EPAS1: variants seen among roughly 807,000 people sequenced by gnomAD.
EPAS1 encodes endothelial PAS domain protein 1, also known as endothelial PAS domain-containing protein 1.
In EPAS1, 23 loss-of-function variants were observed where a neutral mutation model predicts 87.9. The ratio of observed to expected loss-of-function variants is 0.26; its 90% CI spans 0.19 to 0.37. The LOEUF (loss-of-function observed/expected upper bound fraction) is 0.37. EPAS1 is among the 10% of genes least tolerant of loss of function. The pLI, the probability that EPAS1 is intolerant of heterozygous loss-of-function variation, is 1.00. For synonymous variants in EPAS1, 508 were observed against 444.3 expected, an observed-to-expected ratio of 1.14 and a Z score of -1.80; for missense variants, 1,138 against 1,120.7, an observed-to-expected ratio of 1.02 and a Z score of -0.22.
rs150945320 is a variant in EPAS1 at position 46,369,849 on chromosome 2, C to T, written c.802C>T (p.His268Tyr). ...DDRITELIGY[H>Y]PEELLGRSAY... ...CAGAATCACAGAACTGATTGGTTAC[C>T]ACCCTGAGGAGCTGCTTGGCCGCTC... The change falls in exon 7 of 16, where the codon CAC becomes TAC. Residue 268 changes from histidine to tyrosine, a missense_variant. Physicochemically the swap from His to Tyr is moderately conservative, Grantham distance 83. Coordinates refer to ENST00000263734, the MANE Select transcript of EPAS1 (RefSeq NM_001430.5). 2.9e-5 allele frequency: 47 copies of T among 1,612,912 alleles called. No homozygotes were observed. The highest frequency in any genetic ancestry group is 4.5e-5 in the East Asian group (2 of 44,898).
Position 46,310,634 on chromosome 2 carries a change from G to A in EPAS1, c.26+12697G>A, listed in dbSNP as rs554340191. Among the ~76,000 whole-genome samples, 7 of 152,268 alleles carry A rather than the reference G, an allele frequency of 4.6e-5. No individual in the cohort carries two copies. The South Asian group carries it at 6.2e-4, about 14-fold the overall frequency. The stretch of plus-strand genomic sequence containing the variant: ...AGCAGCTGGGGATTTTTCCCTCCTC[G>A]AGCAGGTGTAACCTTTCCCCTGGAG... On this transcript the variant is annotated intron_variant, in intron 1 of 15. Transcript: ENST00000263734.
intron 15 of EPAS1, among the ~76,000 whole-genome samples, chr2:46,383,930 C>T (rs1343569868): frequency 6.6e-6 from 1 of 152,154 alleles, no homozygotes; most frequent in Non-Finnish European, 1.5e-5. Flanking sequence ...GGGCAGAATG[C>T]AGGGCTTCCA....
At chr2:46,362,956 GGTGGTGGTGGTGGTGGTGGTA>G (rs1254302998) in intron 6 of EPAS1, among the ~76,000 whole-genome samples, 2,664 of 88,144 alleles carry the variant, frequency 0.03, 76 homozygotes, top group African/African-American at 0.091. Context: ...AATTGTTAGT[GGTGGTGGTGGTGGTGGTGGTA>G]GTGGTGGTGG....
intron 1 of EPAS1, among the ~76,000 whole-genome samples, chr2:46,337,336 A>G (rs1293921124): frequency 2.0e-5 from 3 of 152,154 alleles, no homozygotes; most frequent in African/African-American, 7.2e-5. Flanking sequence ...TCCTAGGGAA[A>G]CGGATGCATG....
intron 13 of EPAS1, 112 bp from the exon 14 acceptor site, chr2:46,381,863 G>C (rs1011760488): frequency 6.5e-7 from 1 of 1,535,444 alleles, no homozygotes; most frequent in Non-Finnish European, 8.8e-7. Context: ...TGGGGATGTG[G>C]CCCTTCCAAG....
chr2:46,344,711 T>C (rs1454785145), intron 1 of EPAS1, among the ~76,000 whole-genome samples: 1 of 151,994 alleles, frequency 6.6e-6, no homozygotes, highest in Non-Finnish European at 1.5e-5. Flanking sequence ...AGGTTGGAAG[T>C]CAGGGAGAGA....
chr2:46,362,825 A>C (rs981318361), intron 6 of EPAS1, among the ~76,000 whole-genome samples: 5 of 152,222 alleles, frequency 3.3e-5, no homozygotes, highest in Non-Finnish European at 7.3e-5. Flanking sequence ...GCCAGGATTC[A>C]CAGCCTTTGG....
At position 46,380,106 on chromosome 2, in the gene EPAS1, C is replaced by A; in HGVS notation, c.1555-121C>A. The A allele has an allele frequency of 6.5e-7, 1 of 1,530,470 alleles. No individual in the cohort carries two copies. Among genetic ancestry groups the A allele is most frequent in the Non-Finnish European group, 8.9e-7 (1 of 1,118,600 alleles). The allele number at this position is 1,530,470 out of a possible 1,614,324, so 94.8% of individuals were successfully genotyped here. ...ATAGGCCCTCGGGAGCCAGTGGAGGCGTTTGAGCAGCACTGTGAAACAGTG... is the reference window on the plus strand; with the variant it reads ...ATAGGCCCTCGGGAGCCAGTGGAGGAGTTTGAGCAGCACTGTGAAACAGTG... On this transcript the variant is annotated intron_variant, in intron 11 of 15. Transcript: ENST00000263734. The surrounding 1 kb of genome is among the most constrained non-coding windows in gnomAD (Gnocchi z 4.4).
intron 1 of EPAS1, among the ~76,000 whole-genome samples, chr2:46,298,803 G>C (rs1039097475): frequency 6.6e-6 from 1 of 152,244 alleles, no homozygotes; most frequent in South Asian, 2.1e-4. Flanking sequence ...CGGGCCCGGC[G>C]CTACCCGAGC....
At chr2:46,363,960 G>A (rs1684453747) in intron 6 of EPAS1, among the ~76,000 whole-genome samples, 1 of 152,200 alleles carries the variant, frequency 6.6e-6, no homozygotes, top group Non-Finnish European at 1.5e-5. Context: ...TTGATGAAGT[G>A]ACTATTTTAA....
intron 1 of EPAS1, among the ~76,000 whole-genome samples, chr2:46,301,130 T>G (rs1324648569): frequency 6.6e-6 from 1 of 152,208 alleles, no homozygotes; most frequent in African/African-American, 2.4e-5. Flanking sequence ...TGCCATCATT[T>G]CAAGTTTTTT....
intron 2 of EPAS1, among the ~76,000 whole-genome samples, chr2:46,352,094 C>T (rs1387937197): frequency 6.6e-6 from 1 of 152,170 alleles, no homozygotes; most frequent in Non-Finnish European, 1.5e-5. Flanking sequence ...CAGCAGAGCA[C>T]CTCTGGTTTT....
intron 1 of EPAS1, among the ~76,000 whole-genome samples, chr2:46,341,831 T>G (rs1683919537): frequency 6.6e-6 from 1 of 152,202 alleles, no homozygotes; most frequent in East Asian, 1.9e-4. Flanking sequence ...CACTGCATCA[T>G]TTAAGTGAGG....
At chr2:46,339,764 A>C (rs146202275) in intron 1 of EPAS1, among the ~76,000 whole-genome samples, 17 of 152,342 alleles carry the variant, frequency 1.1e-4, no homozygotes, top group African/African-American at 3.6e-4. Context: ...GGATGCTGGG[A>C]AGTCCAGTGT....
At chr2:46,330,030 G>A (rs950828952) in intron 1 of EPAS1, among the ~76,000 whole-genome samples, 1 of 152,206 alleles carries the variant, frequency 6.6e-6, no homozygotes, top group African/African-American at 2.4e-5. Flanking sequence ...TGTAACTGCT[G>A]AACATTCTGA....
intron 6 of EPAS1, among the ~76,000 whole-genome samples, chr2:46,368,944 CA>C (rs1010252481): frequency 6.6e-6 from 1 of 152,126 alleles, no homozygotes; most frequent in African/African-American, 2.4e-5. Flanking sequence ...GTGATTACAG[CA>C]CAAAACAAAG....
rs1356931215 is a variant in EPAS1 at position 46,371,300 on chromosome 2, G to A, written c.886+1367G>A. ...GTGCAGCCAGCAGAGTCACAACCCC[G>A]CAAGCTGTATGTGAACATGGTTAAC... is the stretch of plus-strand genomic sequence containing the variant. On this transcript the variant is annotated intron_variant, in intron 7 of 15. Transcript: ENST00000263734. The surrounding 1 kb of genome is among the most constrained non-coding windows in gnomAD (Gnocchi z 4.3). Among the ~76,000 whole-genome samples, 10 of 152,134 alleles carry A rather than the reference G, an allele frequency of 6.6e-5. No individual in the cohort carries two copies. In the South Asian group the frequency reaches 1.7e-3, roughly 25 times the overall value.
At chr2:46,366,189 C>G (rs1684497835) in intron 6 of EPAS1, among the ~76,000 whole-genome samples, 1 of 152,366 alleles carries the variant, frequency 6.6e-6, no homozygotes, top group African/African-American at 2.4e-5. Context: ...CCTTCTCAGG[C>G]CTGTGGGTGG....
intron 12 of EPAS1, 73 bp from the exon 13 acceptor site, chr2:46,381,523 C>T: frequency 6.2e-7 from 1 of 1,611,952 alleles, no homozygotes; most frequent in South Asian, 1.1e-5. Context: ...CTGGAAGGGC[C>T]CCTAAGATGA....
Sources: allele counts gnomAD v4.1 joint callset (sites outside exome capture counted in the v4.1 genomes callset), GRCh38; gene constraint gnomAD v4.1.1; non-coding constraint Gnocchi (gnomAD v3.1); transcripts MANE v1.5; gene names NCBI Gene and HGNC (gene_info 2026-07-23, HGNC 2026-07-21).